NAB1: variants seen among roughly 807,000 people sequenced by gnomAD.
NAB1 encodes NGFI-A binding protein 1.
NAB1 carries 25 observed loss-of-function variants against 49.9 expected under a neutral mutation model. The observed-to-expected ratio is 0.50, with a 90% CI of 0.37 to 0.70. The LOEUF is 0.70. Among genes scored for constraint, NAB1 ranks in the 30% least tolerant of loss-of-function variants. The pLI, the probability that NAB1 is intolerant of heterozygous loss-of-function variation, is 0.00. For missense variants in NAB1, 489 were observed against 575.9 expected (o/e 0.85, Z 1.54); for synonymous variants, 198 against 215.6 (o/e 0.92, Z 0.71).
At position 190,659,719 on chromosome 2, in the gene NAB1, C is replaced by T. The variant is rs764919800; in HGVS notation, c.543C>T (p.Pro181=). The T allele has an allele frequency of 2.1e-5, 34 of 1,613,860 alleles. No homozygotes were observed. The Admixed American group carries it at 2.2e-4, about 10-fold the overall frequency. Residue 181 remains proline, a synonymous_variant, in exon 4 of 10, where the codon CCC becomes CCT. Coordinates refer to ENST00000337386, the MANE Select transcript of NAB1 (RefSeq NM_005966.4). This position sits in a 1 kb window ranked among gnomAD's most constrained non-coding sequence, Gnocchi z 6.2. ...TCTCCCCAGCAGACCTGGGCTCCCC[C>T]GCGTCCCCAAAGGAGAGCAGTGAGG... is the stretch of plus-strand genomic sequence containing the variant. ...HSLSPADLGS[P]ASPKESSEAL...
rs1056716853 is a variant in NAB1 at position 190,649,872 on chromosome 2, G to C, written c.-307G>C. The C allele has an allele frequency of 3.9e-5, 6 of 152,214 alleles. No individual in the cohort carries two copies. Among genetic ancestry groups the C allele is most frequent in the Non-Finnish European group, 5.9e-5 (4 of 68,048 alleles). 9.4% of individuals were successfully genotyped at this position (152,214 alleles called of 1,614,324 possible). The stretch of plus-strand genomic sequence containing the variant: ...GGAAGGAGAGTTTTACATGGAAGTG[G>C]CTTACAGAAACTTGGCGCTGAGGTG... On this transcript the variant is annotated 5_prime_UTR_variant, in exon 2 of 10. Transcript: ENST00000337386. The surrounding 1 kb of genome is among the most constrained non-coding windows in gnomAD (Gnocchi z 6.1).
chr2:190,673,349 G>A, intron 6 of NAB1, 197 bp downstream of exon 6: 1 of 591,960 alleles, frequency 1.7e-6, no homozygotes, highest in Non-Finnish European at 2.9e-6. Context: ...AGCAGACCAA[G>A]GAAAATTTTT....
chr2:190,650,229 G>A (rs1227789824), intron 2 of NAB1, among the ~76,000 whole-genome samples: 6 of 152,184 alleles, frequency 3.9e-5, no homozygotes, highest in Non-Finnish European at 8.8e-5. Context: ...CGCTCCCTGA[G>A]ATTCGGGAGG....
intron 9 of NAB1, among the ~76,000 whole-genome samples, chr2:190,688,900 C>CT (rs1695769646): frequency 6.6e-6 from 1 of 151,136 alleles, no homozygotes; most frequent in Non-Finnish European, 1.5e-5. Context: ...AGTGCAGTGG[C>CT]TCAGTCTCGG....
In NAB1 at chr2:190,660,003, G is replaced by T; in HGVS notation, c.819+8G>T. The T allele has an allele frequency of 6.2e-7, 1 of 1,603,454 alleles. No homozygotes were observed. The highest frequency in any genetic ancestry group is 8.5e-7 in the Non-Finnish European group (1 of 1,171,892). On this transcript the variant is annotated splice_region_variant and intron_variant, in intron 4 of 9. Coordinates refer to ENST00000337386, the MANE Select transcript of NAB1 (RefSeq NM_005966.4). ...CATCTCACACTTCATGAGGTACAAAGCCCGCGTTGTTCCTTCTGTGTGTGT... is the reference window on the plus strand; with the variant it reads ...CATCTCACACTTCATGAGGTACAAATCCCGCGTTGTTCCTTCTGTGTGTGT...
At position 190,657,682 on chromosome 2, in the gene NAB1, T is replaced by C. The variant is rs564814198; in HGVS notation, c.-19-1476T>C. 1.3e-5 allele frequency among the ~76,000 whole-genome samples: 2 copies of C among 152,318 alleles called. No homozygotes were observed. Among genetic ancestry groups the C allele is most frequent in the African/African-American group, 4.8e-5 (2 of 41,570 alleles). On this transcript the variant is annotated intron_variant, in intron 3 of 9. Coordinates refer to ENST00000337386, the MANE Select transcript of NAB1 (RefSeq NM_005966.4). This position sits in a 1 kb window ranked among gnomAD's most constrained non-coding sequence, Gnocchi z 4.4. Reference sequence around the variant, plus strand: ...TGGATGACACAGAGGTTCCAGGAGATGGGACTTCCGGTAGTCAGTGCTTAG... The same window carrying C: ...TGGATGACACAGAGGTTCCAGGAGACGGGACTTCCGGTAGTCAGTGCTTAG...
rs1553555814 is a variant in NAB1 at position 190,690,012 on chromosome 2, C to CTATACATATACGTATAG, written c.1376-223_1376-222insCGTATAGTATACATATA. 1.9e-4 allele frequency among the ~76,000 whole-genome samples: 14 copies of CTATACATATACGTATAG among 73,420 alleles called. 2 individuals are homozygous for CTATACATATACGTATAG. Among genetic ancestry groups the CTATACATATACGTATAG allele is most frequent in the Non-Finnish European group, 4.0e-4 (13 of 32,800 alleles). The allele number at this position is 73,420 out of a possible 152,430, so 48.2% of individuals were successfully genotyped here. ...ATAACTTGCCCAGAGATGTATACAT[C>CTATACATATACGTATAG]TATACATATATGTATACTATATGTA... On this transcript the variant is annotated intron_variant, in intron 9 of 9. Transcript: ENST00000337386.
chr2:190,660,049 T>G, intron 4 of NAB1, 54 bp downstream of exon 4: 3 of 1,501,796 alleles, frequency 2.0e-6, no homozygotes, highest in African/African-American at 1.4e-5. Context: ...TTGCTAGTCG[T>G]TAGAGATAAA....
intron 4 of NAB1, among the ~76,000 whole-genome samples, chr2:190,665,952 T>A (rs1162139840): frequency 6.6e-6 from 1 of 152,120 alleles, no homozygotes; most frequent in African/African-American, 2.4e-5. Flanking sequence ...GCCTCTTTTT[T>A]CCTTCCCATT....
chr2:190,680,703 T>G lies in NAB1; in HGVS notation c.1006-3035T>G, dbSNP rs1040684748. ...ACGAATGTGCTTAATATTCTCTGGT[T>G]GATTTTAGTATTAAATGTTGAGTTC... On this transcript the variant is annotated intron_variant, in intron 6 of 9. Transcript: ENST00000337386. This position sits in a 1 kb window ranked among gnomAD's most constrained non-coding sequence, Gnocchi z 5.2. Among the ~76,000 whole-genome samples the G allele has an allele frequency of 6.6e-6, 1 of 152,262 alleles. No homozygotes were observed. The highest frequency in any genetic ancestry group is 1.5e-5 in the Non-Finnish European group (1 of 68,048).
rs1574466568 is a variant in NAB1 at position 190,678,072 on chromosome 2, A to G, written c.1005+4920A>G. Among the ~76,000 whole-genome samples the G allele has an allele frequency of 6.6e-6, 1 of 152,242 alleles. No individual in the cohort carries two copies. The highest frequency in any genetic ancestry group is 1.9e-4 in the East Asian group (1 of 5,198). On this transcript the variant is annotated intron_variant, in intron 6 of 9. Transcript: ENST00000337386. This position sits in a 1 kb window ranked among gnomAD's most constrained non-coding sequence, Gnocchi z 4.9. The stretch of plus-strand genomic sequence containing the variant: ...TGTAAATTACAAAATATTTAAATAT[A>G]AGAAATTTTCATTTGATATGCTGAT...
chr2:190,688,688 T>C (rs1356440823), intron 9 of NAB1, among the ~76,000 whole-genome samples: 1 of 152,208 alleles, frequency 6.6e-6, no homozygotes, highest in Non-Finnish European at 1.5e-5. Flanking sequence ...ATATATTACA[T>C]AGAGATATAA....
At chr2:190,668,158 A>C (rs996578537) in intron 4 of NAB1, among the ~76,000 whole-genome samples, 1 of 152,180 alleles carries the variant, frequency 6.6e-6, no homozygotes, top group East Asian at 1.9e-4. Context: ...CAGCATTATG[A>C]TTTAGAGAAA....
rs1695827966 is a variant in NAB1, at chr2:190,689,857, C to T, written c.1376-388C>T. 1.3e-5 allele frequency among the ~76,000 whole-genome samples: 2 copies of T among 151,506 alleles called. No individual in the cohort carries two copies. The highest frequency in any genetic ancestry group is 4.2e-4 in the South Asian group (2 of 4,806). ...TATATATTTATCATGTTGGATCAAGCATTAAATAAAAATTAATATATTCTA... is the reference window on the plus strand; with the variant it reads ...TATATATTTATCATGTTGGATCAAGTATTAAATAAAAATTAATATATTCTA... On this transcript the variant is annotated intron_variant, in intron 9 of 9. Transcript: ENST00000337386. The surrounding 1 kb of genome is among the most constrained non-coding windows in gnomAD (Gnocchi z 4.3).
chr2:190,653,877 A>G (rs1559222593), intron 2 of NAB1: 1 of 152,202 alleles, frequency 6.6e-6, no homozygotes, highest in Non-Finnish European at 1.5e-5. Flanking sequence ...GAGAATAGCC[A>G]TGTTATAGGA....
Position 190,690,319 on chromosome 2 carries a change from G to A in NAB1, c.1450G>A (p.Glu484Lys). Reference sequence around the variant, plus strand: ...AAAGAAAGTCATCAAAACAGAGCCTGAAGATTCAAGATAGCTGTGATTTCT... The same window carrying A: ...AAAGAAAGTCATCAAAACAGAGCCTAAAGATTCAAGATAGCTGTGATTTCT... ...LEKKVIKTEPEDSR is the reference protein window; with the variant it reads ...LEKKVIKTEPKDSR Residue 484 changes from glutamate to lysine, a missense_variant, in exon 10 of 10, where the codon GAA (glutamate) becomes AAA (lysine). This residue lies in a region of NAB1 where 212 missense variants were observed against 199.3 expected (regional missense o/e 1.06). Coordinates refer to ENST00000337386, the MANE Select transcript of NAB1 (RefSeq NM_005966.4). 2 of 1,609,716 alleles carry A rather than the reference G, an allele frequency of 1.2e-6. No individual in the cohort carries two copies. Among genetic ancestry groups the A allele is most frequent in the South Asian group, 1.1e-5 (1 of 90,948 alleles).
At position 190,649,948 on chromosome 2, in the gene NAB1, AAC is replaced by A. The variant is rs1159891122; in HGVS notation, c.-227_-226del. 1 of 152,230 alleles carries A rather than the reference AAC, an allele frequency of 6.6e-6. No individual in the cohort carries two copies. The highest frequency in any genetic ancestry group is 2.4e-5 in the African/African-American group (1 of 41,436). 9.4% of individuals were successfully genotyped at this position (152,230 alleles called of 1,614,324 possible). On this transcript the variant is annotated 5_prime_UTR_variant, in exon 2 of 10. The change creates a new upstream start codon in the 5' untranslated region. Coordinates refer to ENST00000337386, the MANE Select transcript of NAB1 (RefSeq NM_005966.4). This position sits in a 1 kb window ranked among gnomAD's most constrained non-coding sequence, Gnocchi z 6.1. ...CTCTAAGGCCGATGAGGAATTTGGA[AAC>A]ACATGTGGGACATACAAGCGTTGGA... is the stretch of plus-strand genomic sequence containing the variant.
Position 190,690,249 on chromosome 2 carries a change from C to G in NAB1, c.1380C>G (p.Ser460Arg). The change falls in exon 10 of 10, where the codon AGC (serine) becomes AGG (arginine). Residue 460 changes from serine to arginine, a missense_variant. Ser to Arg is a moderately radical substitution (Grantham distance 110, BLOSUM62 -1). This residue lies in a region of NAB1 where 212 missense variants were observed against 199.3 expected (regional missense o/e 1.06). Coordinates refer to ENST00000337386, the MANE Select transcript of NAB1 (RefSeq NM_005966.4). ...PSEAKSHSSE[S>R]LGILKDYPHS... ...TTTGTTTCCATTTTTATGTAGAGAG[C>G]CTTGGGATTTTAAAAGACTACCCTC... The G allele has an allele frequency of 1.2e-6, 2 of 1,606,580 alleles. 1 individual carries two copies.
rs776579419 is a variant in NAB1 at position 190,686,563 on chromosome 2, A to G, written c.1259-638A>G. ...AAGTTCTTCCTTTTAAAAATATTAC[A>G]GGAACCTCTGAGTTGAGGTCTTGTT... On this transcript the variant is annotated intron_variant, in intron 8 of 9. Transcript: ENST00000337386. This position sits in a 1 kb window ranked among gnomAD's most constrained non-coding sequence, Gnocchi z 5.5. Among the ~76,000 whole-genome samples, 21 of 152,338 alleles carry G rather than the reference A, an allele frequency of 1.4e-4. No individual in the cohort carries two copies. Among genetic ancestry groups the G allele is most frequent in the Non-Finnish European group, 2.5e-4 (17 of 68,022 alleles).
Sources: gnomAD v4.1 joint callset for allele counts (sites outside exome capture counted in the v4.1 genomes callset) on GRCh38, gnomAD v4.1.1 for gene constraint, gnomAD v4.1.1 regional missense constraint, Gnocchi (gnomAD v3.1) non-coding constraint, MANE v1.5 for transcripts, NCBI Gene and HGNC (gene_info 2026-07-23, HGNC 2026-07-21) for gene names.